SNX9: variants seen among roughly 807,000 people sequenced by gnomAD.
SNX9 encodes the protein sorting nexin 9.
SNX9 carries 44 observed loss-of-function variants against 89.4 expected under a neutral mutation model. That is an observed-to-expected ratio of 0.49 (90% CI 0.39 to 0.63). SNX9 has a LOEUF of 0.63. Among genes scored for constraint, SNX9 ranks in the 30% least tolerant of loss-of-function variants. The probability of loss-of-function intolerance (pLI) is 0.00; values close to 1 mark genes in which losing one functional copy is unlikely to be tolerated. For missense variants in SNX9, 578 were observed against 736.1 expected, an observed-to-expected ratio of 0.79 and a Z score of 2.49; for synonymous variants, 236 against 247.8, an observed-to-expected ratio of 0.95 and a Z score of 0.45.
At chr6:157,859,837 T>C (rs1782083309) in intron 1 of SNX9, among the ~76,000 whole-genome samples, 1 of 152,224 alleles carries the variant, frequency 6.6e-6, no homozygotes, top group Non-Finnish European at 1.5e-5. Flanking sequence ...TAACACTTTG[T>C]GATATGAATT....
chr6:157,843,940 T>C (rs953903741), intron 1 of SNX9, among the ~76,000 whole-genome samples: 1 of 149,006 alleles, frequency 6.7e-6, no homozygotes, highest in African/African-American at 2.5e-5. Flanking sequence ...AGTGGCATGA[T>C]CTTGGCTCAC....
In SNX9 at chr6:157,936,122, A is replaced by G. The variant is rs1307222998; in HGVS notation, c.1443+82A>G. The G allele has an allele frequency of 1.3e-5, 13 of 1,037,966 alleles. No individual in the cohort carries two copies. The East Asian group carries it at 1.6e-4, about 13-fold the overall frequency. The allele number at this position is 1,037,966 out of a possible 1,614,324, so 64.3% of individuals were successfully genotyped here. On this transcript the variant is annotated intron_variant, in intron 14 of 17. Transcript: ENST00000392185. ...TTAATTTAAAACCTGTCTTAGGACAAACGTCCCAAATAAGTACCCTCTTCT... is the reference window on the plus strand; with the variant it reads ...TTAATTTAAAACCTGTCTTAGGACAGACGTCCCAAATAAGTACCCTCTTCT...
intron 1 of SNX9, among the ~76,000 whole-genome samples, chr6:157,834,250 C>T (rs1781536253): frequency 7.0e-6 from 1 of 143,172 alleles, no homozygotes; most frequent in Non-Finnish European, 1.5e-5. Flanking sequence ...CTGACTGCAG[C>T]TCAACCTCCT....
chr6:157,915,640 A>AAAAAAATATATATATATATATATAT (rs1472422303), intron 9 of SNX9, among the ~76,000 whole-genome samples: 1 of 95,168 alleles, frequency 1.1e-5, no homozygotes, highest in Non-Finnish European at 2.1e-5. Flanking sequence ...AAAAAAAAAA[A>AAAAAAATATATATATATATATATAT]ATATATATAT....
chr6:157,885,174 T>C (rs924783311), intron 4 of SNX9: 1 of 152,230 alleles, frequency 6.6e-6, no homozygotes, highest in Non-Finnish European at 1.5e-5. Context: ...CATCTGTAGG[T>C]TCAGAATATG....
intron 1 of SNX9, among the ~76,000 whole-genome samples, chr6:157,859,857 C>G (rs1006092731): frequency 6.6e-6 from 1 of 152,156 alleles, no homozygotes; most frequent in Admixed American, 6.5e-5. Flanking sequence ...TGAAAATACT[C>G]TTTCCTTTAT....
At chr6:157,886,523 A>T (rs1172563712) in intron 4 of SNX9, among the ~76,000 whole-genome samples, 1 of 152,246 alleles carries the variant, frequency 6.6e-6, no homozygotes, top group African/African-American at 2.4e-5. Context: ...GAACGTGGGT[A>T]TACACACAAA....
At chr6:157,851,185 G>T (rs1781902945) in intron 1 of SNX9, among the ~76,000 whole-genome samples, 1 of 151,628 alleles carries the variant, frequency 6.6e-6, no homozygotes, top group Non-Finnish European at 1.5e-5. Flanking sequence ...CTGAACCTGG[G>T]AGGTGGAGGC....
chr6:157,826,970 ACATATATATTATAGTTTATAT>A (rs1781374037), intron 1 of SNX9, among the ~76,000 whole-genome samples: 21 of 34,108 alleles, frequency 6.2e-4, no homozygotes, highest in Admixed American at 8.6e-4. Flanking sequence ...TATAATATAT[ACATATATATTATAGTTTATAT>A]AATATATACA....
intron 1 of SNX9, among the ~76,000 whole-genome samples, chr6:157,827,802 T>G (rs1405453573): frequency 1.3e-5 from 2 of 151,340 alleles, no homozygotes; most frequent in Non-Finnish European, 2.9e-5. Context: ...ATTTGGATCC[T>G]TTTGTGCTTA....
At chr6:157,934,396 A>AT (rs1783879680) in intron 13 of SNX9, 1 of 152,242 alleles carries the variant, frequency 6.6e-6, no homozygotes, top group Non-Finnish European at 1.5e-5. Flanking sequence ...TTACATAATT[A>AT]TTAGAAAACA....
At chr6:157,938,139 A>T (rs762578527) in intron 15 of SNX9, among the ~76,000 whole-genome samples, 1 of 152,222 alleles carries the variant, frequency 6.6e-6, no homozygotes, top group African/African-American at 2.4e-5. Context: ...CTTCCATCTG[A>T]GTCTTTAAAT....
chr6:157,852,293 A>G (rs1781929233), intron 1 of SNX9, among the ~76,000 whole-genome samples: 1 of 152,230 alleles, frequency 6.6e-6, no homozygotes, highest in South Asian at 2.1e-4. Flanking sequence ...CCAAAACTGT[A>G]ATTATTTGAA....
chr6:157,934,464 AC>A (rs1239276247), intron 13 of SNX9, among the ~76,000 whole-genome samples: 1 of 152,228 alleles, frequency 6.6e-6, no homozygotes, highest in Non-Finnish European at 1.5e-5. Flanking sequence ...AACAAATGAT[AC>A]ATCAAAATGA....
intron 12 of SNX9, among the ~76,000 whole-genome samples, chr6:157,930,368 A>G (rs1260343906): frequency 6.6e-6 from 1 of 152,264 alleles, no homozygotes; most frequent in Non-Finnish European, 1.5e-5. Flanking sequence ...TGCAGCATCT[A>G]GAAAACAAAA....
At chr6:157,878,205 G>T (rs888915866) in intron 4 of SNX9, among the ~76,000 whole-genome samples, 1 of 152,200 alleles carries the variant, frequency 6.6e-6, no homozygotes, top group Non-Finnish European at 1.5e-5. Context: ...GGCCCACTGT[G>T]ATTGCTTTCC....
intron 9 of SNX9, among the ~76,000 whole-genome samples, chr6:157,913,202 A>T (rs929267958): frequency 1.3e-5 from 2 of 152,232 alleles, no homozygotes; most frequent in African/African-American, 4.8e-5. Flanking sequence ...GCAATGCTTT[A>T]GTACAATGAT....
chr6:157,839,930 A>G (rs79597339), intron 1 of SNX9, among the ~76,000 whole-genome samples: 3,482 of 152,294 alleles, frequency 0.023, 140 homozygotes, highest in African/African-American at 0.079. Flanking sequence ...AATGTGATAC[A>G]TAGCTGTTTG....
chr6:157,940,968 C>G lies in SNX9; in HGVS notation c.1734C>G (p.Tyr578Ter). Residue 578 changes from tyrosine (Y) to a stop codon, truncating the protein, a stop_gained, in exon 17 of 18, where the codon TAC becomes TAG. Coordinates refer to ENST00000392185, the MANE Select transcript of SNX9 (RefSeq NM_016224.5). LOFTEE classifies it high-confidence loss of function. ...RLYLEQQVQF[Y>*]ETIAEKLRQA... ...ACCTGGAGCAGCAAGTGCAATTTTA[C>G]GAAACGGTGAGTGGGCGTCCACGTG... 1 of 1,614,074 alleles carries G rather than the reference C, an allele frequency of 6.2e-7. No homozygotes were observed. The highest frequency in any genetic ancestry group is 8.5e-7 in the Non-Finnish European group (1 of 1,179,962).
Sources: gnomAD v4.1 joint callset for allele counts (sites outside exome capture counted in the v4.1 genomes callset) on GRCh38, gnomAD v4.1.1 for gene constraint, MANE v1.5 for transcripts, NCBI Gene and HGNC (gene_info 2026-07-23, HGNC 2026-07-21) for gene names.